PUDP: variants seen among roughly 807,000 people sequenced by gnomAD.
PUDP encodes pseudouridine 5'-phosphatase.
Under a neutral mutation model 9.4 loss-of-function variants are expected in PUDP, and 8 were observed. The ratio of observed to expected loss-of-function variants is 0.85; its 90% CI spans 0.50 to 1.53. The LOEUF is 1.53. Among genes scored for constraint, PUDP ranks in the 40% most tolerant of loss-of-function variants. The probability of loss-of-function intolerance (pLI) is 0.00; values close to 1 mark genes in which losing one functional copy is unlikely to be tolerated. For synonymous variants in PUDP, 99 were observed against 80.7 expected, an observed-to-expected ratio of 1.23 and a Z score of -1.22; for missense variants, 188 against 189.7, an observed-to-expected ratio of 0.99 and a Z score of 0.05.
chrX:6,890,935 C>CAAAAAA (rs764486249), intron 3 of PUDP, among the ~76,000 whole-genome samples: 3 of 33,137 alleles, frequency 9.1e-5, no homozygotes, highest in African/African-American at 3.0e-4. Flanking sequence ...CTCATCTCTC[C>CAAAAAA]AAAAAAAAAA....
At chrX:6,946,995 T>TTTTC (rs1363987191) in intron 3 of PUDP, among the ~76,000 whole-genome samples, 3 of 62,666 alleles carry the variant, frequency 4.8e-5, no homozygotes, top group African/African-American at 5.6e-5. Flanking sequence ...GTTTTTCTGT[T>TTTTC]TGTTTGTTTT....
intron 2 of PUDP, among the ~76,000 whole-genome samples, chrX:7,098,625 C>T (rs1173392593): frequency 9.0e-6 from 1 of 111,728 alleles, no homozygotes; most frequent in African/African-American, 3.3e-5. Flanking sequence ...AGGAGGAGTG[C>T]TCCGCTGCAG....
intron 3 of PUDP, among the ~76,000 whole-genome samples, chrX:6,773,264 G>T (rs1190147860): frequency 8.9e-6 from 1 of 112,139 alleles, no homozygotes; most frequent in Non-Finnish European, 1.9e-5. Context: ...GCTATCAGGG[G>T]ACTCTGCTTC....
intron 1 of PUDP, among the ~76,000 whole-genome samples, chrX:7,108,912 C>T (rs765943511): frequency 7.1e-5 from 8 of 112,027 alleles, no homozygotes; most frequent in African/African-American, 1.6e-4. Context: ...GAACCTCCAC[C>T]GTTCTGGATA....
At chrX:7,134,141 T>C (rs1399268185) in intron 1 of PUDP, among the ~76,000 whole-genome samples, 1 of 112,158 alleles carries the variant, frequency 8.9e-6, no homozygotes, top group Admixed American at 9.4e-5. Context: ...AGTAAGTAAG[T>C]TGTCAATGAG....
At chrX:6,812,570 G>A (rs4914909) in intron 3 of PUDP, among the ~76,000 whole-genome samples, 4 of 110,161 alleles carry the variant, frequency 3.6e-5, no homozygotes, top group South Asian at 3.9e-4. Flanking sequence ...TCAAAGAAAC[G>A]ATTTTAATGT....
chrX:6,720,258 GTATATATATATATATATA>G (rs543397118), intron 1 of PUDP, among the ~76,000 whole-genome samples: 7 of 48,801 alleles, frequency 1.4e-4, no homozygotes, highest in Admixed American at 7.5e-4. Context: ...GTGTGTGTGT[GTATATATATATATATATA>G]TATATATATA....
intron 1 of PUDP, among the ~76,000 whole-genome samples, chrX:7,142,945 C>T (rs1602845064): frequency 9.0e-6 from 1 of 111,132 alleles, no homozygotes; most frequent in African/African-American, 3.3e-5. Flanking sequence ...GCCACCATGC[C>T]TCGCCAAAAG....
intron 3 of PUDP, among the ~76,000 whole-genome samples, chrX:6,836,165 T>C (rs1926579643): frequency 8.9e-6 from 1 of 112,189 alleles, no homozygotes; most frequent in African/African-American, 3.2e-5. Context: ...TTATATTTAA[T>C]ATGCACATGC....
chrX:6,900,327 G>GGC (rs1555915668), intron 3 of PUDP, among the ~76,000 whole-genome samples: 1 of 24,329 alleles, frequency 4.1e-5, no homozygotes, highest in Admixed American at 8.4e-4. Flanking sequence ...GTCACCACTT[G>GGC]GGGGGGGGGG....
intron 3 of PUDP, among the ~76,000 whole-genome samples, chrX:6,835,802 T>C (rs930282658): frequency 1.8e-5 from 2 of 111,157 alleles, no homozygotes; most frequent in Non-Finnish European, 3.8e-5. Context: ...AAACTTCACC[T>C]CCCGAGTTCA....
intron 3 of PUDP, among the ~76,000 whole-genome samples, chrX:6,859,282 C>CA (rs1926961693): frequency 8.9e-6 from 1 of 111,732 alleles, no homozygotes; most frequent in African/African-American, 3.3e-5. Context: ...CACATACTCC[C>CA]ATTACCATTG....
At chrX:6,820,747 C>T (rs1926328242) in intron 3 of PUDP, among the ~76,000 whole-genome samples, 1 of 112,097 alleles carries the variant, frequency 8.9e-6, no homozygotes, top group African/African-American at 3.2e-5. Flanking sequence ...TGTGGCTTTG[C>T]TGGGTACAGC....
intron 3 of PUDP, among the ~76,000 whole-genome samples, chrX:6,956,249 C>T (rs1475336083): frequency 9.0e-6 from 1 of 111,293 alleles, no homozygotes; most frequent in Non-Finnish European, 1.9e-5. Flanking sequence ...CGGGGTTTCA[C>T]TGTGTTGTCA....
chrX:6,959,642 C>A (rs1928678969), intron 3 of PUDP, among the ~76,000 whole-genome samples: 1 of 111,780 alleles, frequency 8.9e-6, no homozygotes, highest in Admixed American at 9.5e-5. Flanking sequence ...AAGAGTAACC[C>A]CCTAATCCTG....
intron 3 of PUDP, among the ~76,000 whole-genome samples, chrX:6,771,271 G>T (rs1356014569): frequency 1.8e-5 from 2 of 111,659 alleles, no homozygotes; most frequent in South Asian, 3.8e-4. Flanking sequence ...ACACCTGCAC[G>T]TCCATGGCCT....
intron 3 of PUDP, among the ~76,000 whole-genome samples, chrX:6,959,640 C>A (rs1015127616): frequency 6.3e-5 from 7 of 111,707 alleles, no homozygotes; most frequent in Non-Finnish European, 1.3e-4. Flanking sequence ...AGAAGAGTAA[C>A]CCCCTAATCC....
intron 3 of PUDP, among the ~76,000 whole-genome samples, chrX:6,899,260 C>T (rs941598627): frequency 4.4e-5 from 5 of 112,714 alleles, no homozygotes; most frequent in Non-Finnish European, 5.6e-5. Flanking sequence ...CCTGTCTATA[C>T]AATCATCATC....
At position 7,012,205 on chromosome X, in the gene PUDP, A is replaced by G. The variant is rs779380845; in HGVS notation, c.205-33862T>C. 5.4e-4 allele frequency among the ~76,000 whole-genome samples: 61 copies of G among 112,044 alleles called. 1 individual carries two copies. Among genetic ancestry groups the G allele is most frequent in the African/African-American group, 2.0e-3 (60 of 30,752 alleles). ...TTTCCTTTGTGAGAAAATGGGGATA[A>G]TAGATACCCCTGAGCCATTCTGGAG... On this transcript the variant is annotated intron_variant and NMD_transcript_variant, in intron 1 of 3. Transcript: ENST00000655425.
Sources: allele counts gnomAD v4.1 joint callset (sites outside exome capture counted in the v4.1 genomes callset), GRCh38; gene constraint gnomAD v4.1.1; transcripts MANE v1.5; gene names NCBI Gene and HGNC (gene_info 2026-07-23, HGNC 2026-07-21).